The following CEP112 variants were observed in gnomAD, a reference collection of about 807,000 sequenced individuals.
CEP112 encodes centrosomal protein 112, also known as centrosomal protein of 112 kDa.
Under a neutral mutation model 153.0 loss-of-function variants are expected in CEP112, and 127 were observed. That is an observed-to-expected ratio of 0.83 (90% CI 0.72 to 0.96). CEP112 has a LOEUF of 0.96. Among genes scored for constraint, CEP112 ranks in the 40% least tolerant of loss-of-function variants. The probability of loss-of-function intolerance (pLI) is 0.00; values close to 1 mark genes in which losing one functional copy is unlikely to be tolerated. For missense variants in CEP112, 1,089 were observed against 1,101.2 expected (o/e 0.99, Z 0.16); for synonymous variants, 358 against 374.4 (o/e 0.96, Z 0.51).
chr17:65,884,318 T>C (rs1330513527), intron 20 of CEP112, among the ~76,000 whole-genome samples: 2 of 152,188 alleles, frequency 1.3e-5, no homozygotes, highest in African/African-American at 4.8e-5. Flanking sequence ...TTTGCAGTGA[T>C]GAATATCTAG....
intron 18 of CEP112, among the ~76,000 whole-genome samples, chr17:65,956,524 T>C (rs989853716): frequency 1.3e-5 from 2 of 151,634 alleles, no homozygotes; most frequent in African/African-American, 4.9e-5. Context: ...TCTAAATCAA[T>C]GGAAAACCAA....
intron 21 of CEP112, among the ~76,000 whole-genome samples, chr17:65,838,945 A>T (rs2057418301): frequency 6.6e-6 from 1 of 152,162 alleles, no homozygotes; most frequent in Non-Finnish European, 1.5e-5. Context: ...ACATACCAAA[A>T]TTCAACTATG....
At chr17:65,693,740 T>C (rs923279970) in intron 23 of CEP112, among the ~76,000 whole-genome samples, 4 of 152,130 alleles carry the variant, frequency 2.6e-5, no homozygotes, top group African/African-American at 9.7e-5. Context: ...CAAATATTGC[T>C]AGACACTATC....
At chr17:66,005,663 A>C (rs1422118206) in intron 17 of CEP112, 27 bp downstream of exon 17, 2 of 1,597,638 alleles carry the variant, frequency 1.3e-6, no homozygotes. Flanking sequence ...GGTAGTTTTA[A>C]ATCAAATGCA....
intron 21 of CEP112, among the ~76,000 whole-genome samples, chr17:65,798,507 C>A (rs1045739580): frequency 6.6e-6 from 1 of 152,092 alleles, no homozygotes. Flanking sequence ...GACTGACTCA[C>A]GGACTAAAGT....
chr17:65,772,179 A>T (rs1241991556), intron 21 of CEP112, among the ~76,000 whole-genome samples: 1 of 152,210 alleles, frequency 6.6e-6, no homozygotes, highest in East Asian at 1.9e-4. Context: ...AAGTGGTATA[A>T]GCTTTCAATT....
chr17:66,033,823 G>C (rs2065595715), intron 12 of CEP112, among the ~76,000 whole-genome samples: 1 of 152,168 alleles, frequency 6.6e-6, no homozygotes, highest in African/African-American at 2.4e-5. Context: ...TAGATCTCCT[G>C]TTTCTTTCTA....
intron 23 of CEP112, among the ~76,000 whole-genome samples, chr17:65,712,248 C>CA (rs968746423): frequency 6.6e-6 from 1 of 152,132 alleles, no homozygotes; most frequent in African/African-American, 2.4e-5. Context: ...TAAGGAAAAT[C>CA]AGAGTATGAA....
At chr17:65,898,030 G>GT (rs2059717045) in intron 20 of CEP112, among the ~76,000 whole-genome samples, 1 of 151,962 alleles carries the variant, frequency 6.6e-6, no homozygotes, top group Non-Finnish European at 1.5e-5. Context: ...CCGCTTAACT[G>GT]TAATATTTTT....
intron 23 of CEP112, among the ~76,000 whole-genome samples, chr17:65,710,864 G>C (rs1224042781): frequency 1.3e-5 from 2 of 152,212 alleles, no homozygotes; most frequent in Non-Finnish European, 2.9e-5. Flanking sequence ...TCTGTCATGA[G>C]CTGGGCTCCA....
intron 4 of CEP112, among the ~76,000 whole-genome samples, chr17:66,155,175 T>C (rs967806886): frequency 1.3e-5 from 2 of 152,126 alleles, no homozygotes; most frequent in Non-Finnish European, 2.9e-5. Context: ...ATTTCTGCAT[T>C]TCCAACTGAG....
In CEP112 at chr17:66,090,241, G is replaced by A. The variant is rs139638974; in HGVS notation, c.768+6010C>T. Among the ~76,000 whole-genome samples the A allele has an allele frequency of 3.3e-3, 505 of 151,896 alleles. 2 individuals carry two copies. Among genetic ancestry groups the A allele is most frequent in the African/African-American group, 0.012 (492 of 41,486 alleles). On this transcript the variant is annotated intron_variant, in intron 8 of 26. Coordinates refer to ENST00000535342, the MANE Select transcript of CEP112 (RefSeq NM_001199165.4). ...TGAATAACAAAAAATACATATATAAGGATAAAACTCACCAGTAAAAGTAAG... is the reference window on the plus strand; with the variant it reads ...TGAATAACAAAAAATACATATATAAAGATAAAACTCACCAGTAAAAGTAAG...
intron 21 of CEP112, among the ~76,000 whole-genome samples, chr17:65,816,247 G>A (rs2056255514): frequency 6.6e-6 from 1 of 151,914 alleles, no homozygotes; most frequent in Admixed American, 6.6e-5. Flanking sequence ...TCACAAAGTT[G>A]TACAACCATC....
At position 66,129,792 on chromosome 17, in the gene CEP112, A is replaced by G; in HGVS notation, c.596T>C (p.Leu199Ser). 6 of 1,612,618 alleles carry G rather than the reference A, an allele frequency of 3.7e-6. No individual in the cohort carries two copies. Among genetic ancestry groups the G allele is most frequent in the Non-Finnish European group, 5.1e-6 (6 of 1,179,316 alleles). The change falls in exon 6 of 27, where the codon TTG becomes TCG. Residue 199 changes from leucine to serine, a missense_variant. Transcript: ENST00000535342. ...EVYSKKSPVS[L>S]DDSDIEARLN... The stretch of plus-strand genomic sequence containing the variant: ...GCGAGCTTCAATGTCACTATCATCC[A>G]AAGAAACAGGAGATTTTTTCGAATA...
intron 17 of CEP112, 74 bp from the exon 18 acceptor site, chr17:65,961,672 C>T: frequency 7.6e-7 from 1 of 1,322,858 alleles, no homozygotes; most frequent in South Asian, 1.6e-5. Context: ...AATATTTAAC[C>T]CCCTCTAAAA....
At chr17:66,061,565 T>C (rs1427495316) in intron 11 of CEP112, among the ~76,000 whole-genome samples, 1 of 53,526 alleles carries the variant, frequency 1.9e-5, no homozygotes, top group Non-Finnish European at 3.5e-5. Context: ...GAAAATGTGA[T>C]AGATACACAC....
intron 21 of CEP112, among the ~76,000 whole-genome samples, chr17:65,850,022 C>T (rs1244370916): frequency 3.3e-5 from 5 of 151,812 alleles, no homozygotes; most frequent in Non-Finnish European, 7.4e-5. Flanking sequence ...GACGTGCTGG[C>T]GGGTGCCTAT....
chr17:66,102,842 T>C (rs1488335272), intron 6 of CEP112, among the ~76,000 whole-genome samples: 2 of 150,328 alleles, frequency 1.3e-5, no homozygotes, highest in African/African-American at 2.4e-5. Context: ...CCATTCATGA[T>C]TTTTAAAAAT....
At chr17:66,030,370 C>T (rs1158415233) in intron 12 of CEP112, among the ~76,000 whole-genome samples, 2 of 152,098 alleles carry the variant, frequency 1.3e-5, no homozygotes, top group African/African-American at 2.4e-5. Context: ...TTTATACGTA[C>T]GGCCATTAGC....
Sources: allele counts gnomAD v4.1 joint callset (sites outside exome capture counted in the v4.1 genomes callset), GRCh38; gene constraint gnomAD v4.1.1; transcripts MANE v1.5; gene names NCBI Gene and HGNC (gene_info 2026-07-23, HGNC 2026-07-21).